The following RBM33 variants were observed in gnomAD, a reference collection of about 807,000 sequenced individuals.
RBM33 encodes the protein RNA-binding protein 33.
In RBM33, 28 loss-of-function variants were observed where a neutral mutation model predicts 132.6. That is an observed-to-expected ratio of 0.21 (90% CI 0.16 to 0.29). The LOEUF (loss-of-function observed/expected upper bound fraction) is 0.29. RBM33 is among the 10% of genes least tolerant of loss of function. The pLI is 1.00. For synonymous variants in RBM33, 634 were observed against 593.0 expected (o/e 1.07, Z -1.01); for missense variants, 1,291 against 1,518.5 (o/e 0.85, Z 2.49).
chr7:155,684,445 G>A (rs17837568), intron 5 of RBM33, among the ~76,000 whole-genome samples: 97,954 of 152,028 alleles, frequency 0.64, 32,479 homozygotes, highest in South Asian at 0.77. Flanking sequence ...ACAAAACCTG[G>A]AATCTTTCTC....
intron 1 of RBM33, among the ~76,000 whole-genome samples, chr7:155,656,880 G>A (rs1441676589): frequency 6.6e-6 from 1 of 151,718 alleles, no homozygotes; most frequent in Non-Finnish European, 1.5e-5. Flanking sequence ...TCCAATAAAG[G>A]CCTTAAGTTA....
chr7:155,751,602 C>G (rs1191981838), intron 14 of RBM33, among the ~76,000 whole-genome samples: 1 of 152,140 alleles, frequency 6.6e-6, no homozygotes, highest in Non-Finnish European at 1.5e-5. Flanking sequence ...ATGATTCATC[C>G]TGATCGGTTT....
At chr7:155,723,869 C>T (rs1800697995) in intron 9 of RBM33, among the ~76,000 whole-genome samples, 3 of 152,132 alleles carry the variant, frequency 2.0e-5, no homozygotes, top group Admixed American at 2.0e-4. Context: ...ATGCGGGGGC[C>T]TGGAAGCAAT....
At position 155,774,886 on chromosome 7, in the gene RBM33, G is replaced by T; in HGVS notation, c.3465-107G>T. On this transcript the variant is annotated intron_variant, in intron 17 of 17. Coordinates refer to ENST00000401878, the MANE Select transcript of RBM33 (RefSeq NM_053043.3). The surrounding 1 kb of genome is among the most constrained non-coding windows in gnomAD (Gnocchi z 4.2). ...GGGAATCTGCCTTTTTATATGATGC[G>T]TTTTTATTAAACAGGACCCACCGGG... 9.9e-7 allele frequency: 1 copy of T among 1,009,660 alleles called. No homozygotes were observed. Among genetic ancestry groups the T allele is most frequent in the Non-Finnish European group, 1.5e-6 (1 of 656,668 alleles). The allele number at this position is 1,009,660 out of a possible 1,614,324, so 62.5% of individuals were successfully genotyped here. A position where few individuals can be genotyped will look rare whatever the true frequency, so the allele number is the denominator to read the frequency against.
intron 5 of RBM33, among the ~76,000 whole-genome samples, chr7:155,698,875 T>C (rs1171622047): frequency 6.6e-6 from 1 of 152,252 alleles, no homozygotes; most frequent in African/African-American, 2.4e-5. Flanking sequence ...ATTCTGTGGT[T>C]TGGATGTACA....
chr7:155,714,260 C>T (rs184432203), intron 8 of RBM33, among the ~76,000 whole-genome samples: 17 of 152,252 alleles, frequency 1.1e-4, no homozygotes, highest in South Asian at 6.2e-4. Context: ...AAAGGGAAGG[C>T]AGTGCTGATA....
chr7:155,699,115 A>G (rs1054446430), intron 5 of RBM33, among the ~76,000 whole-genome samples: 14 of 152,230 alleles, frequency 9.2e-5, no homozygotes, highest in African/African-American at 3.4e-4. Flanking sequence ...CTTGTTTTAC[A>G]TTAAACTTGT....
At position 155,765,686 on chromosome 7, in the gene RBM33, A is replaced by G. The variant is rs372618566; in HGVS notation, c.3187-781A>G. The stretch of plus-strand genomic sequence containing the variant: ...CTGTCCTAGGCTACATTGGGCACAT[A>G]TGTTCTCTCTGACTTTCTAATCTGG... On this transcript the variant is annotated intron_variant, in intron 15 of 17. Transcript: ENST00000401878. Among the ~76,000 whole-genome samples the G allele has an allele frequency of 4.3e-4, 66 of 152,290 alleles. 2 individuals are homozygous for G. In the South Asian group the frequency reaches 0.014, roughly 32 times the overall value.
chr7:155,682,255 A>G (rs1039457827), intron 5 of RBM33, among the ~76,000 whole-genome samples: 3 of 151,980 alleles, frequency 2.0e-5, no homozygotes, highest in African/African-American at 7.2e-5. Flanking sequence ...TTTTTGGTTA[A>G]TATTTGCTCT....
chr7:155,735,889 A>C (rs1030173286), intron 9 of RBM33, among the ~76,000 whole-genome samples: 2 of 152,166 alleles, frequency 1.3e-5, no homozygotes, highest in Admixed American at 1.3e-4. Context: ...ATTGTGTCTT[A>C]ATTGATGTCT....
rs1192381705 is a variant in RBM33 at position 155,779,241 on chromosome 7, C to T, written c.*4200C>T. 3.6e-5 allele frequency: 5 copies of T among 138,694 alleles called. No homozygotes were observed. The highest frequency in any genetic ancestry group is 7.8e-5 in the Non-Finnish European group (5 of 63,930). The allele number at this position is 138,694 out of a possible 1,614,324, so 8.6% of individuals were successfully genotyped here. ...TTGGAGTGGGAGGGAGGGGGGTGGG[C>T]GAGAGAAAGCTCGAAAGGTATTATT... is the stretch of plus-strand genomic sequence containing the variant. On this transcript the variant is annotated 3_prime_UTR_variant, in exon 18 of 18. Coordinates refer to ENST00000401878, the MANE Select transcript of RBM33 (RefSeq NM_053043.3).
chr7:155,695,063 A>G (rs780576523), intron 5 of RBM33, among the ~76,000 whole-genome samples: 4 of 152,004 alleles, frequency 2.6e-5, no homozygotes, highest in East Asian at 1.9e-4. Flanking sequence ...AATGTTGCCA[A>G]TCTCTTGATT....
intron 14 of RBM33, among the ~76,000 whole-genome samples, chr7:155,747,078 CTT>C (rs1801540703): frequency 6.6e-6 from 1 of 152,130 alleles, no homozygotes. Context: ...ATAAGAAAAT[CTT>C]TATAAAATAC....
intron 1 of RBM33, among the ~76,000 whole-genome samples, chr7:155,662,087 G>T (rs192608083): frequency 6.6e-6 from 1 of 151,846 alleles, no homozygotes; most frequent in East Asian, 1.9e-4. Context: ...TCACCCCTCC[G>T]CCGAAGCTTC....
At chr7:155,735,888 T>TAATTG in intron 9 of RBM33, among the ~76,000 whole-genome samples, 1 of 152,350 alleles carries the variant, frequency 6.6e-6, no homozygotes, top group Middle Eastern at 3.4e-3. Context: ...CATTGTGTCT[T>TAATTG]AATTGATGTC....
At chr7:155,735,718 T>TCC (rs1801102516) in intron 9 of RBM33, among the ~76,000 whole-genome samples, 1 of 107,930 alleles carries the variant, frequency 9.3e-6, no homozygotes, top group African/African-American at 3.8e-5. Context: ...TCTCTCTCTC[T>TCC]GTCTCTCTCT....
At chr7:155,677,605 T>C (rs904168389) in intron 3 of RBM33, among the ~76,000 whole-genome samples, 2 of 152,230 alleles carry the variant, frequency 1.3e-5, no homozygotes, top group Non-Finnish European at 2.9e-5. Flanking sequence ...TCCTGTGTTA[T>C]TTTATTTTTA....
chr7:155,705,712 C>G (rs1292245952), intron 6 of RBM33, among the ~76,000 whole-genome samples: 2 of 152,156 alleles, frequency 1.3e-5, no homozygotes, highest in East Asian at 3.8e-4. Flanking sequence ...GTAAAAGGAC[C>G]ATATGTGGCT....
chr7:155,741,466 C>A (rs1801333339), intron 12 of RBM33, among the ~76,000 whole-genome samples: 1 of 152,192 alleles, frequency 6.6e-6, no homozygotes, highest in Non-Finnish European at 1.5e-5. Context: ...TCTCTGGTGG[C>A]AGATAGAGTG....
Sources: gnomAD v4.1 joint callset for allele counts (sites outside exome capture counted in the v4.1 genomes callset) on GRCh38, gnomAD v4.1.1 for gene constraint, Gnocchi (gnomAD v3.1) non-coding constraint, MANE v1.5 for transcripts, NCBI Gene and HGNC (gene_info 2026-07-23, HGNC 2026-07-21) for gene names.